The following TCERG1L variants were observed in gnomAD, a reference collection of about 807,000 sequenced individuals.
The protein encoded by TCERG1L is transcription elongation regulator 1-like protein.
Under a neutral mutation model 56.3 loss-of-function variants are expected in TCERG1L, and 37 were observed. The ratio of observed to expected loss-of-function variants is 0.66; its 90% CI spans 0.51 to 0.87. The LOEUF is 0.87. TCERG1L is among the 40% of genes least tolerant of loss of function. TCERG1L has a pLI of 0.00. For missense variants in TCERG1L, 799 were observed against 774.2 expected (o/e 1.03, Z -0.38); for synonymous variants, 324 against 326.3 (o/e 0.99, Z 0.08).
Position 131,192,372 on chromosome 10 carries a change from G to A in TCERG1L, c.857-25487C>T, listed in dbSNP as rs76432298. ...GGCCATTATTAAAAAGTCAGAAAACGATAGATATGAGGAAAAGGGACTCCT... is the reference window on the plus strand; with the variant it reads ...GGCCATTATTAAAAAGTCAGAAAACAATAGATATGAGGAAAAGGGACTCCT... On this transcript the variant is annotated intron_variant, in intron 4 of 11. Coordinates refer to ENST00000368642, the MANE Select transcript of TCERG1L (RefSeq NM_174937.4). Among the ~76,000 whole-genome samples, 751 of 143,692 alleles carry A rather than the reference G, an allele frequency of 5.2e-3. 126 individuals are homozygous for A. Among genetic ancestry groups the A allele is most frequent in the African/African-American group, 0.017 (664 of 38,206 alleles). The allele number at this position is 143,692 out of a possible 152,430, so 94.3% of individuals were successfully genotyped here.
intron 3 of TCERG1L, among the ~76,000 whole-genome samples, chr10:131,280,794 C>T (rs1015209370): frequency 1.1e-4 from 17 of 152,102 alleles, no homozygotes; most frequent in Non-Finnish European, 2.2e-4. Flanking sequence ...CAGAGATGCA[C>T]CCGACAGGCT....
At chr10:131,168,548 G>T (rs760814672) in intron 4 of TCERG1L, among the ~76,000 whole-genome samples, 2 of 152,210 alleles carry the variant, frequency 1.3e-5, no homozygotes, top group Non-Finnish European at 2.9e-5. Flanking sequence ...GACGTGAGCC[G>T]GAGGCCCCAT....
intron 4 of TCERG1L, among the ~76,000 whole-genome samples, chr10:131,249,431 T>C (rs12249185): frequency 0.025 from 3,794 of 152,048 alleles, 161 homozygotes; most frequent in African/African-American, 0.087. Context: ...TACCCCAGCG[T>C]AGGGGCTTTC....
chr10:131,107,354 A>G (rs1338497115), intron 9 of TCERG1L, among the ~76,000 whole-genome samples: 3 of 152,170 alleles, frequency 2.0e-5, no homozygotes, highest in Non-Finnish European at 4.4e-5. Flanking sequence ...TCAATGAATG[A>G]TGTGTAGTTT....
At chr10:131,303,023 A>G (rs931193967) in intron 3 of TCERG1L, among the ~76,000 whole-genome samples, 5 of 151,952 alleles carry the variant, frequency 3.3e-5, no homozygotes, top group African/African-American at 4.8e-5. Flanking sequence ...TATCCAGTCT[A>G]TCGTTGATGG....
intron 11 of TCERG1L, among the ~76,000 whole-genome samples, chr10:131,097,639 G>A (rs1384351725): frequency 6.6e-5 from 10 of 152,198 alleles, no homozygotes; most frequent in Admixed American, 4.6e-4. Flanking sequence ...GAGCCACCGC[G>A]CCCGGCCCAT....
At chr10:131,152,089 C>T (rs903649689) in intron 6 of TCERG1L, among the ~76,000 whole-genome samples, 14 of 152,218 alleles carry the variant, frequency 9.2e-5, no homozygotes, top group African/African-American at 3.4e-4. Flanking sequence ...CTGACATACT[C>T]TGGAGACCTT....
intron 4 of TCERG1L, among the ~76,000 whole-genome samples, chr10:131,199,297 C>G (rs1845401741): frequency 6.6e-6 from 1 of 152,252 alleles, no homozygotes; most frequent in Admixed American, 6.5e-5. Context: ...GATGTTCCAA[C>G]TTTAAGCTCT....
intron 3 of TCERG1L, among the ~76,000 whole-genome samples, chr10:131,296,381 T>C (rs919750694): frequency 6.6e-6 from 1 of 152,234 alleles, no homozygotes; most frequent in Non-Finnish European, 1.5e-5. Context: ...AGATGGTCTT[T>C]TCTTTATTGA....
chr10:131,189,953 C>G (rs192904573), intron 4 of TCERG1L, among the ~76,000 whole-genome samples: 1 of 151,440 alleles, frequency 6.6e-6, no homozygotes, highest in East Asian at 1.9e-4. Flanking sequence ...TAAATTCAAA[C>G]AAAAAAATAC....
intron 4 of TCERG1L, among the ~76,000 whole-genome samples, chr10:131,234,973 A>T (rs750254879): frequency 9.2e-5 from 14 of 152,174 alleles, no homozygotes; most frequent in Non-Finnish European, 1.8e-4. Flanking sequence ...AAGTGGTGGG[A>T]TTACAGGCGT....
intron 2 of TCERG1L, 117 bp downstream of exon 2, chr10:131,309,036 C>A (rs931132006): frequency 1.7e-6 from 2 of 1,194,622 alleles, no homozygotes; most frequent in Non-Finnish European, 2.3e-6. Flanking sequence ...TATTTCTATA[C>A]CTAGATGGCC....
intron 4 of TCERG1L, among the ~76,000 whole-genome samples, chr10:131,218,923 C>A (rs1426245050): frequency 6.6e-6 from 1 of 152,094 alleles, no homozygotes. Context: ...CAACACACAG[C>A]AAATCTGGTC....
At chr10:131,110,710 T>C (rs2133386056) in intron 9 of TCERG1L, among the ~76,000 whole-genome samples, 1 of 152,344 alleles carries the variant, frequency 6.6e-6, no homozygotes, top group African/African-American at 2.4e-5. Flanking sequence ...CTAACTTCAG[T>C]CCCGGCTTCA....
intron 4 of TCERG1L, among the ~76,000 whole-genome samples, chr10:131,254,170 C>T (rs1327493659): frequency 6.6e-6 from 1 of 151,896 alleles, no homozygotes. Context: ...GGGAAGGCAC[C>T]ATCAGGCCTG....
rs1845329844 is a variant in TCERG1L at position 131,104,276 on chromosome 10, C to T, written c.1474G>A (p.Glu492Lys). The change falls in exon 10 of 12, where the codon GAA (glutamate) becomes AAA (lysine). Residue 492 changes from glutamate to lysine, a missense_variant. Physicochemically the swap from Glu to Lys is moderately conservative, Grantham distance 56. Transcript: ENST00000368642. Reference sequence around the variant, plus strand: ...TCCCACCCAGTTACCTGCTTTCGTTCCTCAGAGTTGAGCAGGAGATAGCGT... The same window carrying T: ...TCCCACCCAGTTACCTGCTTTCGTTTCTCAGAGTTGAGCAGGAGATAGCGT... ...DPRYLLLNSE[E>K]RKQIFEQFVK... 1 of 1,549,364 alleles carries T rather than the reference C, an allele frequency of 6.5e-7. No homozygotes were observed. Among genetic ancestry groups the T allele is most frequent in the Non-Finnish European group, 8.7e-7 (1 of 1,145,068 alleles).
chr10:131,306,711 A>C (rs1014910553), intron 3 of TCERG1L, among the ~76,000 whole-genome samples: 2 of 152,132 alleles, frequency 1.3e-5, no homozygotes. Flanking sequence ...AAAATCAAAG[A>C]AGGTAAAATC....
intron 6 of TCERG1L, among the ~76,000 whole-genome samples, chr10:131,147,449 C>T (rs1043288484): frequency 2.0e-5 from 3 of 152,222 alleles, no homozygotes; most frequent in African/African-American, 2.4e-5. Flanking sequence ...TCTGACCCCG[C>T]GCTGTCCCCA....
intron 4 of TCERG1L, among the ~76,000 whole-genome samples, chr10:131,207,876 C>T (rs1448918857): frequency 6.6e-6 from 1 of 152,118 alleles, no homozygotes; most frequent in Non-Finnish European, 1.5e-5. Context: ...AAGAAGGTAC[C>T]AGGCTCAGCT....
Sources: allele counts gnomAD v4.1 joint callset (sites outside exome capture counted in the v4.1 genomes callset), GRCh38; gene constraint gnomAD v4.1.1; transcripts MANE v1.5; gene names NCBI Gene and HGNC (gene_info 2026-07-23, HGNC 2026-07-21).